The following GPC3 variants were observed in gnomAD, a reference collection of about 807,000 sequenced individuals.
GPC3 encodes glypican-3.
A neutral mutation model predicts 34.4 loss-of-function variants in GPC3; 3 were observed. The ratio of observed to expected loss-of-function variants is 0.09; its 90% confidence interval spans 0.04 to 0.23. GPC3 has a LOEUF of 0.23. GPC3 is among the 10% of genes least tolerant of loss of function. The pLI, the probability that GPC3 is intolerant of heterozygous loss-of-function variation, is 1.00. For missense variants in GPC3, 351 were observed against 445.6 expected, an observed-to-expected ratio of 0.79 and a Z score of 1.91; for synonymous variants, 177 against 174.0, an observed-to-expected ratio of 1.02 and a Z score of -0.13.
chrX:133,778,924 C>T (rs1208311756), intron 2 of GPC3, among the ~76,000 whole-genome samples: 1 of 111,905 alleles, frequency 8.9e-6, no homozygotes, highest in Admixed American at 9.5e-5. Context: ...TTTTTTTACC[C>T]TCTAAAAATA....
At chrX:133,709,960 C>T (rs1320940361) in intron 3 of GPC3, among the ~76,000 whole-genome samples, 1 of 111,877 alleles carries the variant, frequency 8.9e-6, no homozygotes, top group Admixed American at 9.5e-5. Context: ...ATCTGATATA[C>T]AGCACAGAGG....
intron 5 of GPC3, among the ~76,000 whole-genome samples, chrX:133,679,665 T>G (rs2070920708): frequency 9.0e-6 from 1 of 110,920 alleles, no homozygotes; most frequent in African/African-American, 3.3e-5. Flanking sequence ...TATTTTATTT[T>G]ATTTTTTGAG....
At chrX:133,662,050 T>G (rs191319492) in intron 5 of GPC3, among the ~76,000 whole-genome samples, 200 bp from the exon 6 acceptor site, 52 of 110,968 alleles carry the variant, frequency 4.7e-4, no homozygotes, top group African/African-American at 1.6e-3. Context: ...TACAACATGC[T>G]TTTTTTCCCC....
At chrX:133,838,431 G>A (rs886750500) in intron 2 of GPC3, among the ~76,000 whole-genome samples, 5 of 112,044 alleles carry the variant, frequency 4.5e-5, no homozygotes, top group African/African-American at 1.6e-4. Context: ...CCTCATACTG[G>A]GTACTTGAGT....
intron 2 of GPC3, among the ~76,000 whole-genome samples, chrX:133,904,494 T>C (rs1332800525): frequency 8.9e-6 from 1 of 111,759 alleles, no homozygotes; most frequent in Non-Finnish European, 1.9e-5. Flanking sequence ...TGAGGCCAGT[T>C]TGAAATGGAG....
At chrX:133,561,217 T>C (rs923656734) in intron 7 of GPC3, among the ~76,000 whole-genome samples, 4 of 112,513 alleles carry the variant, frequency 3.6e-5, no homozygotes, top group African/African-American at 1.3e-4. Flanking sequence ...AAACAGAAGC[T>C]ATCAGCTTGA....
intron 2 of GPC3, among the ~76,000 whole-genome samples, chrX:133,907,951 CAT>C (rs751719449): frequency 0.012 from 1,280 of 108,776 alleles, 19 homozygotes; most frequent in African/African-American, 0.039. Flanking sequence ...ATATATGTTA[CAT>C]ATATATATAT....
chrX:133,947,834 T>C (rs1482477923), intron 2 of GPC3, among the ~76,000 whole-genome samples: 3 of 112,073 alleles, frequency 2.7e-5, no homozygotes, highest in African/African-American at 9.7e-5. Context: ...CTCATGGCCA[T>C]GGTTTGAGTT....
At chrX:133,612,531 T>A (rs751069283) in intron 6 of GPC3, among the ~76,000 whole-genome samples, 57 of 112,195 alleles carry the variant, frequency 5.1e-4, no homozygotes, top group Admixed American at 1.2e-3. Flanking sequence ...AAGGTTGGTC[T>A]TCTCTATTTG....
At chrX:133,799,511 T>A (rs770660086) in intron 2 of GPC3, among the ~76,000 whole-genome samples, 4 of 111,239 alleles carry the variant, frequency 3.6e-5, no homozygotes, top group Admixed American at 2.9e-4. Context: ...GACTGTGAGG[T>A]CTACAAGGGC....
At chrX:133,621,618 T>C (rs1372002257) in intron 6 of GPC3, among the ~76,000 whole-genome samples, 1 of 111,923 alleles carries the variant, frequency 8.9e-6, no homozygotes, top group African/African-American at 3.2e-5. Flanking sequence ...GCGTCTGCCA[T>C]TGCTGAGGCT....
At chrX:133,897,439 T>G (rs1186236238) in intron 2 of GPC3, among the ~76,000 whole-genome samples, 1 of 109,903 alleles carries the variant, frequency 9.1e-6, no homozygotes, top group Non-Finnish European at 1.9e-5. Context: ...AAACTGATTT[T>G]TTTTTTTTTA....
At chrX:133,563,916 A>G (rs1449723111) in intron 7 of GPC3, among the ~76,000 whole-genome samples, 1 of 111,215 alleles carries the variant, frequency 9.0e-6, no homozygotes, top group South Asian at 3.9e-4. Context: ...GCCTTCGCCT[A>G]GAAGTATTTT....
At chrX:133,934,678 A>AT (rs1399655896) in intron 2 of GPC3, among the ~76,000 whole-genome samples, 197 of 101,369 alleles carry the variant, frequency 1.9e-3, no homozygotes, top group East Asian at 4.3e-3. Context: ...CACTCAGCTA[A>AT]TTTTTTTTTT....
At chrX:133,643,380 C>A (rs1411432123) in intron 6 of GPC3, among the ~76,000 whole-genome samples, 1 of 111,502 alleles carries the variant, frequency 9.0e-6, no homozygotes, top group Non-Finnish European at 1.9e-5. Flanking sequence ...CAGTTGGGGA[C>A]CAAGGAGGAA....
intron 3 of GPC3, among the ~76,000 whole-genome samples, chrX:133,729,811 G>A (rs917149985): frequency 8.9e-6 from 1 of 111,749 alleles, no homozygotes; most frequent in Non-Finnish European, 1.9e-5. Context: ...TCTTTTCTAC[G>A]CATATTTTTA....
chrX:133,802,370 C>A (rs2075614137), intron 2 of GPC3, among the ~76,000 whole-genome samples: 1 of 111,516 alleles, frequency 9.0e-6, no homozygotes, highest in African/African-American at 3.3e-5. Context: ...ACAACAACAA[C>A]AACAACATAT....
chrX:133,864,472 T>C (rs934851936), intron 2 of GPC3, among the ~76,000 whole-genome samples: 1 of 111,514 alleles, frequency 9.0e-6, no homozygotes, highest in Non-Finnish European at 1.9e-5. Context: ...TGGCATATCA[T>C]GATGGTGGGT....
At chrX:133,603,709 A>G (rs2070013833) in intron 6 of GPC3, among the ~76,000 whole-genome samples, 1 of 111,679 alleles carries the variant, frequency 9.0e-6, no homozygotes, top group Non-Finnish European at 1.9e-5. Flanking sequence ...ATAAAAGGAA[A>G]CAAAAAGCCT....
Sources: allele counts gnomAD v4.1 joint callset (sites outside exome capture counted in the v4.1 genomes callset), GRCh38; gene constraint gnomAD v4.1.1; transcripts MANE v1.5; gene names NCBI Gene and HGNC (gene_info 2026-07-23, HGNC 2026-07-21).